C8orf34: variants seen among roughly 807,000 people sequenced by gnomAD.
The protein encoded by C8orf34 is chromosome 8 open reading frame 34, also known as uncharacterized protein C8orf34.
In C8orf34, 65 loss-of-function variants were observed where a neutral mutation model predicts 68.3. The observed-to-expected ratio is 0.95, with a 90% CI of 0.78 to 1.17. The LOEUF (loss-of-function observed/expected upper bound fraction) is 1.17. Among genes scored for constraint, C8orf34 ranks in the 50% most tolerant of loss-of-function variants. The pLI is 0.00. For synonymous variants in C8orf34, 244 were observed against 241.2 expected, an observed-to-expected ratio of 1.01 and a Z score of -0.11; for missense variants, 664 against 655.4, an observed-to-expected ratio of 1.01 and a Z score of -0.14.
intron 7 of C8orf34, among the ~76,000 whole-genome samples, chr8:68,586,852 G>A (rs1817224210): frequency 6.6e-6 from 1 of 151,934 alleles, no homozygotes; most frequent in Non-Finnish European, 1.5e-5. Context: ...ATAGCCCAAG[G>A]ACCAAATTAA....
At chr8:68,512,837 C>A (rs1443881232) in intron 5 of C8orf34, among the ~76,000 whole-genome samples, 1 of 150,660 alleles carries the variant, frequency 6.6e-6, no homozygotes, top group Non-Finnish European at 1.5e-5. Flanking sequence ...ACACACCTTG[C>A]ATGTAAATCT....
At chr8:68,726,302 A>T (rs966871692) in intron 10 of C8orf34, among the ~76,000 whole-genome samples, 1 of 152,210 alleles carries the variant, frequency 6.6e-6, no homozygotes, top group African/African-American at 2.4e-5. Flanking sequence ...GTTTTTCATG[A>T]GAGAAAGGGA....
chr8:68,545,686 G>A (rs1029815091), intron 7 of C8orf34, among the ~76,000 whole-genome samples: 3 of 152,104 alleles, frequency 2.0e-5, no homozygotes, highest in African/African-American at 2.4e-5. Context: ...CAAAAGCTGA[G>A]AGAACATGTT....
intron 8 of C8orf34, among the ~76,000 whole-genome samples, chr8:68,675,481 T>G (rs1052014401): frequency 6.6e-6 from 1 of 152,130 alleles, no homozygotes; most frequent in African/African-American, 2.4e-5. Context: ...TTAGGTTGTT[T>G]CTTTTCTTCT....
At chr8:68,332,136 C>A (rs1165869885) in intron 1 of C8orf34, among the ~76,000 whole-genome samples, 1 of 151,778 alleles carries the variant, frequency 6.6e-6, no homozygotes, top group East Asian at 1.9e-4. Flanking sequence ...GACAAAAATA[C>A]AGTAGAAGGA....
intron 1 of C8orf34, among the ~76,000 whole-genome samples, chr8:68,372,250 G>A (rs1807592321): frequency 6.6e-6 from 1 of 152,184 alleles, no homozygotes; most frequent in Non-Finnish European, 1.5e-5. Flanking sequence ...GATGGCATAG[G>A]AGTTGGAAGA....
At chr8:68,462,780 A>G (rs1319335543) in intron 3 of C8orf34, among the ~76,000 whole-genome samples, 5 of 152,238 alleles carry the variant, frequency 3.3e-5, no homozygotes, top group East Asian at 1.9e-4. Context: ...TCTCTGGGAC[A>G]CATTCAAAGC....
At chr8:68,529,019 A>C (rs1322384012) in intron 6 of C8orf34, among the ~76,000 whole-genome samples, 1 of 152,044 alleles carries the variant, frequency 6.6e-6, no homozygotes, top group Non-Finnish European at 1.5e-5. Context: ...TAAGCTCATC[A>C]CTTCTCTTCA....
intron 7 of C8orf34, among the ~76,000 whole-genome samples, chr8:68,562,185 A>G (rs1202293707): frequency 2.0e-5 from 3 of 152,198 alleles, no homozygotes; most frequent in African/African-American, 4.8e-5. Flanking sequence ...GTTGTGGCAC[A>G]ATGTCAGGAC....
At chr8:68,504,515 CT>C (rs1275688750) in intron 5 of C8orf34, among the ~76,000 whole-genome samples, 2 of 151,784 alleles carry the variant, frequency 1.3e-5, no homozygotes, top group Non-Finnish European at 2.9e-5. Context: ...AATTGATTTT[CT>C]TTTTTTTCTT....
chr8:68,446,841 T>C (rs1811145130), intron 3 of C8orf34: 1 of 220,744 alleles, frequency 4.5e-6, no homozygotes, highest in Non-Finnish European at 8.7e-6. Flanking sequence ...CAAAGAAGAT[T>C]TCTATTCAAA....
intron 7 of C8orf34, among the ~76,000 whole-genome samples, chr8:68,624,224 A>G (rs1348047317): frequency 1.3e-5 from 2 of 151,208 alleles, no homozygotes; most frequent in Admixed American, 1.3e-4. Flanking sequence ...ATGAGCCGAG[A>G]TCACGCCATT....
At chr8:68,459,131 T>C (rs1216718556) in intron 3 of C8orf34, among the ~76,000 whole-genome samples, 2 of 152,238 alleles carry the variant, frequency 1.3e-5, no homozygotes, top group Non-Finnish European at 2.9e-5. Flanking sequence ...TGTGTTTTTA[T>C]TATTTTTAAA....
At chr8:68,535,044 G>A (rs576017540) in intron 7 of C8orf34, 1 of 985,366 alleles carries the variant, frequency 1.0e-6, no homozygotes, top group East Asian at 1.1e-4. Flanking sequence ...AATAATGTTG[G>A]TCTCTAGGTC....
chr8:68,342,696 T>A (rs1806121998), intron 1 of C8orf34, among the ~76,000 whole-genome samples: 1 of 152,188 alleles, frequency 6.6e-6, no homozygotes, highest in Admixed American at 6.5e-5. Flanking sequence ...ACACTGTCTA[T>A]TCCACCCACC....
Position 68,432,798 on chromosome 8 carries a change from A to G in C8orf34, c.328-6701A>G, listed in dbSNP as rs143188193. On this transcript the variant is annotated intron_variant, in intron 1 of 13. Transcript: ENST00000518698. ...GATGTCTGTCCTGTTCTCACTGTGC[A>G]TGGAAACCTAGATACTGCATTAGAA... Among the ~76,000 whole-genome samples the G allele has an allele frequency of 2.8e-4, 42 of 152,262 alleles. 1 individual carries two copies. In the East Asian group the frequency reaches 7.9e-3, roughly 29 times the overall value.
Position 68,331,032 on chromosome 8 carries a change from C to T in C8orf34, c.20C>T (p.Ser7Leu), listed in dbSNP as rs1805552309. 2.1e-6 allele frequency: 3 copies of T among 1,462,844 alleles called. No homozygotes were observed. In the East Asian group the frequency reaches 8.5e-5, roughly 42 times the overall value. The allele number at this position is 1,462,844 out of a possible 1,614,324, so 90.6% of individuals were successfully genotyped here. A position where few individuals can be genotyped will look rare whatever the true frequency, so the allele number is the denominator to read the frequency against. The change falls in exon 1 of 14, where the codon TCG (serine) becomes TTG (leucine). Residue 7 changes from serine to leucine, a missense_variant. Coordinates refer to ENST00000518698, the MANE Select transcript of C8orf34 (RefSeq NM_052958.4). ...CGATGAATGAGTTCTCCCCTCGCCT[C>T]GGAGTTGTCTGAGTTGGCGGCGCTG... MSSPLA[S>L]ELSELAALRP...
At chr8:68,771,931 T>G (rs111559966) in intron 10 of C8orf34, among the ~76,000 whole-genome samples, 22 of 152,330 alleles carry the variant, frequency 1.4e-4, no homozygotes, top group Non-Finnish European at 3.1e-4. Context: ...TAACTCTTGT[T>G]CAGCTCTTTG....
chr8:68,428,156 A>G (rs1810306812), intron 1 of C8orf34, among the ~76,000 whole-genome samples: 1 of 151,858 alleles, frequency 6.6e-6, no homozygotes, highest in Non-Finnish European at 1.5e-5. Context: ...TTCAAGCTTA[A>G]AAAGCAAATA....
Sources: allele counts gnomAD v4.1 joint callset (sites outside exome capture counted in the v4.1 genomes callset), GRCh38; gene constraint gnomAD v4.1.1; transcripts MANE v1.5; gene names NCBI Gene and HGNC (gene_info 2026-07-23, HGNC 2026-07-21).